Variants in TBC1D5 observed in about 807,000 individuals in gnomAD.
TBC1D5 encodes the protein TBC1 domain family member 5.
Under a neutral mutation model 100.3 loss-of-function variants are expected in TBC1D5, and 75 were observed. The ratio of observed to expected loss-of-function variants is 0.75; its 90% CI spans 0.62 to 0.91. The LOEUF (loss-of-function observed/expected upper bound fraction) is 0.91, where lower values mean the gene tolerates loss of function less well. Ranked by LOEUF, TBC1D5 falls within the 40% of genes least tolerant of loss-of-function variation. The pLI, the probability that TBC1D5 is intolerant of heterozygous loss-of-function variation, is 0.00. For missense variants in TBC1D5, 910 were observed against 942.4 expected (o/e 0.97, Z 0.45); for synonymous variants, 323 against 325.6 (o/e 0.99, Z 0.09).
At chr3:17,670,148 A>G in intron 1 of TBC1D5, among the ~76,000 whole-genome samples, 1 of 152,156 alleles carries the variant, frequency 6.6e-6, no homozygotes. Flanking sequence ...TCGGCCTCCC[A>G]AAGTGCTGGG....
At chr3:17,697,034 G>A (rs1407956817) in intron 1 of TBC1D5, among the ~76,000 whole-genome samples, 1 of 152,102 alleles carries the variant, frequency 6.6e-6, no homozygotes, top group Non-Finnish European at 1.5e-5. Context: ...TGCAGAAAAG[G>A]CCTTCGACAA....
At chr3:17,705,052 T>C (rs1308874644) in intron 1 of TBC1D5, among the ~76,000 whole-genome samples, 3 of 128,548 alleles carry the variant, frequency 2.3e-5, no homozygotes, top group South Asian at 2.7e-4. Flanking sequence ...GGCGGGGGGC[T>C]GACCCCCCCA....
At chr3:17,473,879 TTTTAC>T (rs2095408939) in intron 3 of TBC1D5, among the ~76,000 whole-genome samples, 1 of 150,728 alleles carries the variant, frequency 6.6e-6, no homozygotes, top group Non-Finnish European at 1.5e-5. Flanking sequence ...CCTCATTAGT[TTTTAC>T]TTTACTTTTT....
At chr3:17,162,100 C>T (rs2125021547) in intron 21 of TBC1D5, among the ~76,000 whole-genome samples, 1 of 152,336 alleles carries the variant, frequency 6.6e-6, no homozygotes, top group South Asian at 2.1e-4. Context: ...CGACCAAGGA[C>T]ATCCAGTGCC....
intron 3 of TBC1D5, among the ~76,000 whole-genome samples, chr3:17,501,349 AATT>A (rs1200693591): frequency 6.7e-6 from 1 of 149,650 alleles, no homozygotes; most frequent in Non-Finnish European, 1.5e-5. Context: ...AACACATAAG[AATT>A]ATTAAGAGAT....
At chr3:17,228,304 T>C (rs1247318842) in intron 17 of TBC1D5, among the ~76,000 whole-genome samples, 2 of 152,146 alleles carry the variant, frequency 1.3e-5, no homozygotes, top group Non-Finnish European at 2.9e-5. Flanking sequence ...CCACTGGCCA[T>C]AGTTCTCATC....
intron 18 of TBC1D5, among the ~76,000 whole-genome samples, chr3:17,200,585 C>A (rs533645941): frequency 6.6e-6 from 1 of 152,302 alleles, no homozygotes; most frequent in South Asian, 2.1e-4. Flanking sequence ...AACTGTTTTC[C>A]GTGAAACGGT....
intron 2 of TBC1D5, among the ~76,000 whole-genome samples, chr3:17,532,023 G>T (rs916207262): frequency 7.9e-5 from 12 of 152,260 alleles, no homozygotes; most frequent in African/African-American, 2.4e-4. Flanking sequence ...AACAGCAAAA[G>T]AAACTACCGT....
At chr3:17,547,106 T>C (rs1246332615) in intron 2 of TBC1D5, 1 of 152,014 alleles carries the variant, frequency 6.6e-6, no homozygotes, top group African/African-American at 2.4e-5. Context: ...ACAAAAACAG[T>C]AGGAATCTTT....
At position 17,328,511 on chromosome 3, in the gene TBC1D5, C is replaced by T. The variant is rs745579855; in HGVS notation, c.996-20377G>A. Reference sequence around the variant, plus strand: ...GGCAAATGAGGAAAAGTGATTTGTCCGGTCATCACTGAGACAGTGGCAGAA... The same window carrying T: ...GGCAAATGAGGAAAAGTGATTTGTCTGGTCATCACTGAGACAGTGGCAGAA... On this transcript the variant is annotated intron_variant, in intron 13 of 21. Coordinates refer to ENST00000253692, the Ensembl canonical transcript of TBC1D5. Among the ~76,000 whole-genome samples the T allele has an allele frequency of 1.3e-3, 201 of 152,124 alleles. 3 individuals are homozygous for T. Among genetic ancestry groups the T allele is most frequent in the Non-Finnish European group, 4.6e-4 (31 of 68,012 alleles).
rs2095110343 is a variant in TBC1D5, at chr3:17,457,330, A to G, written c.98-28811T>C. Among the ~76,000 whole-genome samples, 3 of 151,900 alleles carry G rather than the reference A, an allele frequency of 2.0e-5. No homozygotes were observed. In the South Asian group the frequency reaches 6.2e-4, roughly 32 times the overall value. On this transcript the variant is annotated intron_variant, in intron 3 of 21. Transcript: ENST00000253692. ...AGACTCCAATTACATGTACCATTTGATATTTCTCATGGTTCTTGGGTGTTC... is the reference window on the plus strand; with the variant it reads ...AGACTCCAATTACATGTACCATTTGGTATTTCTCATGGTTCTTGGGTGTTC...
At chr3:17,557,483 T>C (rs1040552970) in intron 2 of TBC1D5, among the ~76,000 whole-genome samples, 1 of 152,248 alleles carries the variant, frequency 6.6e-6, no homozygotes, top group Admixed American at 6.5e-5. Context: ...TATATTTTGC[T>C]TGCTTTCATT....
chr3:17,499,552 G>A (rs866016053), intron 3 of TBC1D5, among the ~76,000 whole-genome samples: 1 of 148,474 alleles, frequency 6.7e-6, no homozygotes, highest in Admixed American at 6.6e-5. Context: ...AAAATTTGCC[G>A]GGTGTGGTGA....
chr3:17,285,061 A>C (rs1453636792), intron 15 of TBC1D5, among the ~76,000 whole-genome samples: 1 of 144,988 alleles, frequency 6.9e-6, no homozygotes, highest in Non-Finnish European at 1.5e-5. Context: ...TTTGGGAGTA[A>C]AAAAAAAAAA....
intron 1 of TBC1D5, among the ~76,000 whole-genome samples, chr3:17,657,974 A>C (rs1386297682): frequency 1.3e-5 from 2 of 152,204 alleles, no homozygotes; most frequent in Admixed American, 1.3e-4. Context: ...TAAGATTATA[A>C]TACTGTAATT....
In TBC1D5 at chr3:17,376,509, T is replaced by G; in HGVS notation, c.701+16A>C. ...GCTAAAAAACAAATGGAGCTCATAT[T>G]AAAAAAAAAACTTGCCTGGGCTGTG... On this transcript the variant is annotated intron_variant, in intron 10 of 21. Transcript: ENST00000253692. 7.3e-7 allele frequency: 1 copy of G among 1,375,734 alleles called. No homozygotes were observed. The highest frequency in any genetic ancestry group is 9.9e-7 in the Non-Finnish European group (1 of 1,012,362). The allele number at this position is 1,375,734 out of a possible 1,614,324, so 85.2% of individuals were successfully genotyped here.
At chr3:17,584,837 T>C (rs894471756) in intron 2 of TBC1D5, among the ~76,000 whole-genome samples, 22 of 152,204 alleles carry the variant, frequency 1.4e-4, no homozygotes, top group Admixed American at 1.3e-3. Context: ...TTTGTATTTT[T>C]AGTAGAGACA....
intron 1 of TBC1D5, among the ~76,000 whole-genome samples, chr3:17,665,389 C>A (rs188128510): frequency 8.1e-4 from 123 of 152,328 alleles, no homozygotes; most frequent in African/African-American, 2.9e-3. Context: ...AAAATTACTG[C>A]AAATCTCTTT....
At chr3:17,424,952 A>G (rs1464686390) in intron 4 of TBC1D5, among the ~76,000 whole-genome samples, 1 of 152,172 alleles carries the variant, frequency 6.6e-6, no homozygotes, top group Non-Finnish European at 1.5e-5. Context: ...TTCCAAGGTA[A>G]CCTGAAATAT....
Sources: gnomAD v4.1 joint callset for allele counts (sites outside exome capture counted in the v4.1 genomes callset) on GRCh38, gnomAD v4.1.1 for gene constraint, MANE v1.5 for transcripts, NCBI Gene and HGNC (gene_info 2026-07-23, HGNC 2026-07-21) for gene names.